Variants in MYO3A observed in about 807,000 individuals in gnomAD.
The protein encoded by MYO3A is myosin-IIIa.
Under a neutral mutation model 192.7 loss-of-function variants are expected in MYO3A, and 180 were observed. The ratio of observed to expected loss-of-function variants is 0.93; its 90% CI spans 0.83 to 1.06. The LOEUF (loss-of-function observed/expected upper bound fraction) is 1.06, where lower values mean the gene tolerates loss of function less well. Ranked by LOEUF, MYO3A falls within the 50% of genes least tolerant of loss-of-function variation. The probability of loss-of-function intolerance (pLI) is 0.00; values close to 1 mark genes in which losing one functional copy is unlikely to be tolerated. For synonymous variants in MYO3A, 628 were observed against 645.3 expected (o/e 0.97, Z 0.41); for missense variants, 1,896 against 1,905.0 (o/e 1.00, Z 0.09).
intron 6 of MYO3A, among the ~76,000 whole-genome samples, chr10:26,014,532 C>T (rs1190004675): frequency 2.0e-5 from 3 of 151,996 alleles, no homozygotes; most frequent in African/African-American, 7.2e-5. Flanking sequence ...ACAGAAATAT[C>T]CAGAATATAG....
chr10:26,148,886 A>G (rs1412671981), intron 23 of MYO3A, among the ~76,000 whole-genome samples: 1 of 152,068 alleles, frequency 6.6e-6, no homozygotes, highest in Non-Finnish European at 1.5e-5. Context: ...TGTTAATTCC[A>G]AAGGATTTTC....
chr10:26,171,407 T>C (rs1384449644), intron 29 of MYO3A, among the ~76,000 whole-genome samples: 2 of 152,100 alleles, frequency 1.3e-5, no homozygotes, highest in Non-Finnish European at 2.9e-5. Flanking sequence ...TCTAACGTTC[T>C]CTTCACCCAC....
At chr10:25,956,376 G>T (rs1837537434) in intron 4 of MYO3A, among the ~76,000 whole-genome samples, 1 of 151,024 alleles carries the variant, frequency 6.6e-6, no homozygotes, top group South Asian at 2.1e-4. Flanking sequence ...TGTTGCCCAG[G>T]CTGGAGTGCA....
intron 4 of MYO3A, among the ~76,000 whole-genome samples, chr10:25,957,545 A>C (rs1305257763): frequency 2.0e-5 from 3 of 152,174 alleles, no homozygotes; most frequent in Non-Finnish European, 2.9e-5. Context: ...TGTTGCAATG[A>C]ACATACATGT....
intron 14 of MYO3A, among the ~76,000 whole-genome samples, chr10:26,078,691 G>A (rs1588913842): frequency 6.6e-6 from 1 of 151,882 alleles, no homozygotes; most frequent in South Asian, 2.1e-4. Context: ...GTATACTAGA[G>A]GTTTTGATAG....
chr10:25,991,009 A>G (rs1177222375), intron 4 of MYO3A, among the ~76,000 whole-genome samples: 6 of 152,138 alleles, frequency 3.9e-5, no homozygotes, highest in Admixed American at 2.0e-4. Context: ...ATGATTTACA[A>G]TCCTTTGTGT....
intron 17 of MYO3A, among the ~76,000 whole-genome samples, chr10:26,099,251 C>T (rs978235327): frequency 3.3e-5 from 5 of 152,122 alleles, no homozygotes; most frequent in Admixed American, 6.5e-5. Context: ...GATTTTGGCA[C>T]ATTGATTTTG....
At chr10:26,004,755 T>A (rs1399741487) in intron 6 of MYO3A, among the ~76,000 whole-genome samples, 2 of 152,152 alleles carry the variant, frequency 1.3e-5, no homozygotes, top group African/African-American at 4.8e-5. Flanking sequence ...TGGGACAGTT[T>A]GAGCACCAAA....
chr10:26,106,262 G>A (rs946216757), intron 17 of MYO3A, among the ~76,000 whole-genome samples: 2 of 151,956 alleles, frequency 1.3e-5, no homozygotes, highest in South Asian at 2.1e-4. Context: ...ATTATGAAGC[G>A]ACTTATGTAC....
At chr10:26,081,374 G>C (rs1835946823) in intron 14 of MYO3A, among the ~76,000 whole-genome samples, 1 of 152,028 alleles carries the variant, frequency 6.6e-6, no homozygotes, top group African/African-American at 2.4e-5. Context: ...GCCTCACCCA[G>C]CTCCCATGCA....
chr10:25,956,914 G>A (rs1342122495), intron 4 of MYO3A, among the ~76,000 whole-genome samples: 1 of 151,918 alleles, frequency 6.6e-6, no homozygotes, highest in African/African-American at 2.4e-5. Context: ...TCAGGTATCT[G>A]TTGTCCCTCT....
chr10:26,163,699 G>T (rs1030266336), intron 26 of MYO3A, among the ~76,000 whole-genome samples: 2 of 152,112 alleles, frequency 1.3e-5, no homozygotes, highest in African/African-American at 4.8e-5. Context: ...TTAACCAGGT[G>T]GGCATGTAGA....
intron 19 of MYO3A, 50 bp downstream of exon 19, chr10:26,125,658 G>A (rs1411401674): frequency 1.4e-6 from 2 of 1,455,802 alleles, no homozygotes. Context: ...GGTGATGTAA[G>A]TCTACTTTCT....
chr10:26,033,256 T>C (rs1842884272), intron 10 of MYO3A, among the ~76,000 whole-genome samples: 1 of 152,010 alleles, frequency 6.6e-6, no homozygotes, highest in African/African-American at 2.4e-5. Context: ...GTATTTTGTT[T>C]TTTTAGTAGA....
chr10:26,203,928 C>G (rs1171479261), intron 34 of MYO3A, among the ~76,000 whole-genome samples: 1 of 152,140 alleles, frequency 6.6e-6, no homozygotes, highest in East Asian at 1.9e-4. Flanking sequence ...GATAGTTGAC[C>G]TCTTTAAGCT....
chr10:26,182,249 G>A (rs16926637), intron 31 of MYO3A, among the ~76,000 whole-genome samples: 2,361 of 152,216 alleles, frequency 0.016, 65 homozygotes, highest in African/African-American at 0.054. Flanking sequence ...TTGCAACCTG[G>A]TAGAGGACTT....
At chr10:25,938,694 C>T (rs1365475458) in intron 2 of MYO3A, among the ~76,000 whole-genome samples, 1 of 152,152 alleles carries the variant, frequency 6.6e-6, no homozygotes, top group African/African-American at 2.4e-5. Context: ...AAAAGTGAGA[C>T]TCATGATATT....
chr10:26,158,145 G>A (rs1186765646), intron 26 of MYO3A, among the ~76,000 whole-genome samples: 1 of 152,126 alleles, frequency 6.6e-6, no homozygotes, highest in African/African-American at 2.4e-5. Context: ...ATGAGATACT[G>A]TCTCTAACGG....
Position 26,125,595 on chromosome 10 carries a change from G to T in MYO3A, c.2101G>T (p.Asp701Tyr). The T allele has an allele frequency of 6.2e-7, 1 of 1,613,866 alleles. No homozygotes were observed. The highest frequency in any genetic ancestry group is 1.1e-5 in the South Asian group (1 of 91,024). The change falls in exon 19 of 35, where the codon GAC becomes TAC. Residue 701 changes from aspartate (D) to tyrosine (Y), a missense_variant. Transcript: ENST00000642920. ...TTGCATTAACAGTTTGTTGAAGCAT[G>T]ACTCATCACCAAGGTAAAAATTTTT... ...VNCINSLLKH[D>Y]SSPSGNGDEL...
Sources: allele counts gnomAD v4.1 joint callset (sites outside exome capture counted in the v4.1 genomes callset), GRCh38; gene constraint gnomAD v4.1.1; transcripts MANE v1.5; gene names NCBI Gene and HGNC (gene_info 2026-07-23, HGNC 2026-07-21).